The following XPO4 variants were observed in gnomAD, a reference collection of about 807,000 sequenced individuals.
XPO4 encodes the protein exportin 4.
XPO4 carries 39 observed loss-of-function variants against 143.0 expected under a neutral mutation model. The ratio of observed to expected loss-of-function variants is 0.27; its 90% CI spans 0.21 to 0.36. The LOEUF is 0.36. XPO4 is among the 10% of genes least tolerant of loss of function. The probability of loss-of-function intolerance (pLI) is 1.00; values close to 1 mark genes in which losing one functional copy is unlikely to be tolerated. For missense variants in XPO4, 907 were observed against 1,348.0 expected (o/e 0.67, Z 5.12); for synonymous variants, 439 against 474.0 (o/e 0.93, Z 0.96).
At chr13:20,867,006 A>C (rs1046463517) in intron 2 of XPO4, among the ~76,000 whole-genome samples, 1 of 152,256 alleles carries the variant, frequency 6.6e-6, no homozygotes, top group African/African-American at 2.4e-5. Context: ...TTAGGTTAAT[A>C]GTTTAACACA....
intron 1 of XPO4, among the ~76,000 whole-genome samples, chr13:20,897,520 T>C (rs190977322): frequency 6.6e-6 from 1 of 152,312 alleles, no homozygotes; most frequent in Admixed American, 6.5e-5. Context: ...ATTATAACTT[T>C]ACCAACCAAC....
chr13:20,878,572 C>T (rs2060377050), intron 1 of XPO4, among the ~76,000 whole-genome samples: 1 of 152,026 alleles, frequency 6.6e-6, no homozygotes, highest in South Asian at 2.1e-4. Context: ...TGGCAAATGA[C>T]AAGACATGTA....
chr13:20,848,813 C>A (rs2060054752), intron 4 of XPO4: 1 of 985,058 alleles, frequency 1.0e-6, no homozygotes, highest in East Asian at 1.1e-4. Flanking sequence ...TAAATTTCTA[C>A]AAGACAATTT....
At chr13:20,886,505 G>A (rs774263585) in intron 1 of XPO4, among the ~76,000 whole-genome samples, 2 of 151,926 alleles carry the variant, frequency 1.3e-5, no homozygotes, top group Non-Finnish European at 1.5e-5. Context: ...CCAGTTACTC[G>A]GGAGGCTGAG....
intron 9 of XPO4, among the ~76,000 whole-genome samples, chr13:20,815,205 G>A (rs985490594): frequency 6.6e-5 from 10 of 152,156 alleles, no homozygotes; most frequent in African/African-American, 2.2e-4. Flanking sequence ...AGGATTTTCA[G>A]CACAGTGAAA....
At chr13:20,810,069 C>A in intron 9 of XPO4, 102 bp from the exon 10 acceptor site, 1 of 932,164 alleles carries the variant, frequency 1.1e-6, no homozygotes, top group Non-Finnish European at 1.5e-6. Flanking sequence ...TTTCCTTTAA[C>A]AGAGCTTCCC....
chr13:20,791,252 ATAC>A (rs1312371838), intron 18 of XPO4, among the ~76,000 whole-genome samples: 1 of 152,194 alleles, frequency 6.6e-6, no homozygotes, highest in Admixed American at 6.5e-5. Context: ...TTTTAAAAAG[ATAC>A]TACTTCTGAT....
At chr13:20,882,513 A>C (rs375395821) in intron 1 of XPO4, among the ~76,000 whole-genome samples, 1 of 152,160 alleles carries the variant, frequency 6.6e-6, no homozygotes, top group South Asian at 2.1e-4. Flanking sequence ...AACACCTCCT[A>C]CTAGGCCCAC....
chr13:20,886,448 C>T (rs1202069385), intron 1 of XPO4, among the ~76,000 whole-genome samples: 1 of 151,744 alleles, frequency 6.6e-6, no homozygotes. Flanking sequence ...CCTGTCTCTA[C>T]TAAAAATATA....
At chr13:20,798,036 TAGG>T (rs1197617293) in intron 16 of XPO4, among the ~76,000 whole-genome samples, 7 of 151,656 alleles carry the variant, frequency 4.6e-5, no homozygotes, top group Non-Finnish European at 1.5e-5. Flanking sequence ...CCCACCTACT[TAGG>T]AGGCTGAGAC....
At chr13:20,793,851 C>T (rs1214239291) in intron 18 of XPO4, among the ~76,000 whole-genome samples, 1 of 152,188 alleles carries the variant, frequency 6.6e-6, no homozygotes, top group Non-Finnish European at 1.5e-5. Context: ...ACAAGTCCTA[C>T]TGGGTCCAGG....
At chr13:20,902,387 G>A (rs954876909) in intron 1 of XPO4, 16 of 985,316 alleles carry the variant, frequency 1.6e-5, no homozygotes, top group Admixed American at 1.2e-4. Flanking sequence ...CTGTGGGGCA[G>A]GGTGTAAGGT....
intron 3 of XPO4, chr13:20,857,752 GA>G (rs2060159215): frequency 1.2e-6 from 1 of 819,594 alleles, no homozygotes; most frequent in African/African-American, 1.9e-5. Flanking sequence ...AATCAAATCA[GA>G]AAATTAATGC....
intron 15 of XPO4, 66 bp from the exon 16 acceptor site, chr13:20,799,405 AC>A (rs2059404622): frequency 7.6e-7 from 1 of 1,320,246 alleles, no homozygotes; most frequent in Non-Finnish European, 1.0e-6. Context: ...ATACACATAT[AC>A]ACACAAAGAA....
chr13:20,808,338 T>C, intron 12 of XPO4, 98 bp downstream of exon 12: 3 of 1,260,714 alleles, frequency 2.4e-6, no homozygotes, highest in Non-Finnish European at 3.1e-6. Flanking sequence ...TTTTATCCAA[T>C]ATTATATATA....
intron 1 of XPO4, among the ~76,000 whole-genome samples, chr13:20,892,299 G>A (rs2060526014): frequency 6.6e-6 from 1 of 152,052 alleles, no homozygotes; most frequent in South Asian, 2.1e-4. Flanking sequence ...TGTTGGCCAG[G>A]TTGGTCTCAA....
At chr13:20,834,645 T>TA (rs5802089) in intron 6 of XPO4, among the ~76,000 whole-genome samples, 38,843 of 144,118 alleles carry the variant, frequency 0.27, 6,435 homozygotes, top group East Asian at 0.78. Context: ...TTGAAAGAAA[T>TA]AAAAAAAAAA....
chr13:20,855,803 A>C (rs1566609760), intron 3 of XPO4, 38 bp from the exon 4 acceptor site: 2 of 1,538,806 alleles, frequency 1.3e-6, no homozygotes, highest in African/African-American at 2.8e-5. Flanking sequence ...AATTTACCTA[A>C]ATCTAATACA....
At chr13:20,836,639 G>A (rs965465323) in intron 6 of XPO4, among the ~76,000 whole-genome samples, 11 of 152,024 alleles carry the variant, frequency 7.2e-5, no homozygotes, top group African/African-American at 1.2e-4. Flanking sequence ...TTTCTACACC[G>A]TGACATGATG....
Sources: allele counts gnomAD v4.1 joint callset (sites outside exome capture counted in the v4.1 genomes callset), GRCh38; gene constraint gnomAD v4.1.1; transcripts MANE v1.5; gene names NCBI Gene and HGNC (gene_info 2026-07-23, HGNC 2026-07-21).